Variants in NRCAM observed in about 807,000 individuals in gnomAD.
NRCAM encodes the protein NgCAM-related cell adhesion molecule.
In NRCAM, 83 loss-of-function variants were observed where a neutral mutation model predicts 156.5. The observed-to-expected ratio is 0.53, with a 90% CI of 0.44 to 0.64. NRCAM has a LOEUF of 0.64. Among genes scored for constraint, NRCAM ranks in the 30% least tolerant of loss-of-function variants. The pLI is 0.00. For synonymous variants in NRCAM, 538 were observed against 563.9 expected (o/e 0.95, Z 0.65); for missense variants, 1,417 against 1,597.3 (o/e 0.89, Z 1.92).
In NRCAM at chr7:108,389,856, G is replaced by T. The variant is rs185149542; in HGVS notation, c.-174+9580C>A. On this transcript the variant is annotated intron_variant, in intron 2 of 32. Transcript: ENST00000379028. ...TGGTTCTGTTTATATGCTGGATTACGTTTATTGATTTGTGTATGTTGAATG... is the reference window on the plus strand; with the variant it reads ...TGGTTCTGTTTATATGCTGGATTACTTTTATTGATTTGTGTATGTTGAATG... Among the ~76,000 whole-genome samples the T allele has an allele frequency of 5.0e-3, 762 of 152,224 alleles. 7 individuals are homozygous for T. The highest frequency in any genetic ancestry group is 0.017 in the African/African-American group (723 of 41,552).
chr7:108,254,551 C>CTTTATTTT (rs71522863), intron 3 of NRCAM, among the ~76,000 whole-genome samples: 2 of 130,334 alleles, frequency 1.5e-5, no homozygotes, highest in East Asian at 2.1e-4. Flanking sequence ...AACAATTTTG[C>CTTTATTTT]TTTTTTTTTT....
chr7:108,202,501 CAGTT>C (rs368915846), intron 13 of NRCAM, among the ~76,000 whole-genome samples: 114 of 152,312 alleles, frequency 7.5e-4, no homozygotes, highest in African/African-American at 2.6e-3. Flanking sequence ...CAGGTTTTCT[CAGTT>C]AGTCAACTTT....
chr7:108,412,400 C>CACTT (rs1187649930), intron 1 of NRCAM, among the ~76,000 whole-genome samples: 2 of 33,078 alleles, frequency 6.0e-5, no homozygotes, highest in Non-Finnish European at 1.5e-4. Context: ...CCCTCATAGT[C>CACTT]ACTTTATTGT....
chr7:108,434,812 CTGAG>C (rs1830128489), intron 1 of NRCAM, among the ~76,000 whole-genome samples: 1 of 151,994 alleles, frequency 6.6e-6, no homozygotes. Context: ...AAAAAAGAAA[CTGAG>C]TGGAGACATC....
chr7:108,299,103 CT>C (rs1420787810), intron 3 of NRCAM, among the ~76,000 whole-genome samples: 77 of 6,014 alleles, frequency 0.013, 7 homozygotes, highest in Middle Eastern at 0.083. Flanking sequence ...AAGACTCCAT[CT>C]CAAAAAAAAA....
chr7:108,274,760 G>C lies in NRCAM; in HGVS notation c.-106-34590C>G, dbSNP rs530566936. On this transcript the variant is annotated intron_variant, in intron 3 of 32. Transcript: ENST00000379028. ...TTCTCTTGCTTGATTGTCCTGGCCA[G>C]AACTTCCAATACATTTTGAATAGGA... Among the ~76,000 whole-genome samples the C allele has an allele frequency of 5.9e-5, 9 of 152,274 alleles. No homozygotes were observed. In the East Asian group the frequency reaches 1.5e-3, roughly 26 times the overall value.
At chr7:108,150,223 A>G in intron 32 of NRCAM, 76 bp from the exon 33 acceptor site, 2 of 1,207,954 alleles carry the variant, frequency 1.7e-6, no homozygotes, top group East Asian at 4.7e-5. Context: ...CCATGCATGC[A>G]AATTATGAGA....
intron 2 of NRCAM, among the ~76,000 whole-genome samples, chr7:108,330,904 T>C (rs917566550): frequency 1.3e-5 from 2 of 152,200 alleles, no homozygotes; most frequent in Non-Finnish European, 2.9e-5. Flanking sequence ...GCTTTCTGTT[T>C]CCCTCAATCT....
chr7:108,153,469 C>T (rs916495538), intron 32 of NRCAM, among the ~76,000 whole-genome samples: 2 of 151,588 alleles, frequency 1.3e-5, no homozygotes, highest in African/African-American at 4.9e-5. Context: ...TCTTCATTAA[C>T]CTGATTAAGG....
At chr7:108,288,881 T>G (rs1277034537) in intron 3 of NRCAM, among the ~76,000 whole-genome samples, 1 of 152,174 alleles carries the variant, frequency 6.6e-6, no homozygotes, top group Non-Finnish European at 1.5e-5. Flanking sequence ...ATATTATTCA[T>G]TTCTTTGGCT....
chr7:108,291,470 G>T (rs2098287258), intron 3 of NRCAM, among the ~76,000 whole-genome samples: 1 of 152,170 alleles, frequency 6.6e-6, no homozygotes, highest in South Asian at 2.1e-4. Context: ...AAGACAAGTT[G>T]ATTTTAAAGA....
chr7:108,362,527 G>A (rs1166473925), intron 2 of NRCAM, among the ~76,000 whole-genome samples: 3 of 152,176 alleles, frequency 2.0e-5, no homozygotes, highest in Non-Finnish European at 4.4e-5. Context: ...CATACAGTTT[G>A]TTGGCAAAGC....
chr7:108,223,790 G>C lies in NRCAM; in HGVS notation c.825C>G (p.Gly275=), dbSNP rs749529139. The change falls in exon 11 of 33, where the codon GGC becomes GGG. Residue 275 remains glycine, a synonymous_variant. Transcript: ENST00000379028. The part of the protein sequence containing the change: ...ERPPTFLTPE[G]NASNKEELRG... ...TTAATTCCTCTTTGTTACTTGCATTGCCTTCTGGAGTTAAAAATGTTGGTG... is the reference window on the plus strand; with the variant it reads ...TTAATTCCTCTTTGTTACTTGCATTCCCTTCTGGAGTTAAAAATGTTGGTG... The C allele has an allele frequency of 1.9e-6, 3 of 1,611,372 alleles. No individual in the cohort carries two copies. The highest frequency in any genetic ancestry group is 2.5e-6 in the Non-Finnish European group (3 of 1,177,812).
At chr7:108,296,411 T>C (rs1377899777) in intron 3 of NRCAM, among the ~76,000 whole-genome samples, 2 of 152,114 alleles carry the variant, frequency 1.3e-5, no homozygotes, top group Non-Finnish European at 2.9e-5. Flanking sequence ...TCAGCAAGGA[T>C]CAGAGCAGAA....
chr7:108,223,884 T>A (rs1274687193), intron 10 of NRCAM, 48 bp from the exon 11 acceptor site: 1 of 873,742 alleles, frequency 1.1e-6, no homozygotes. Flanking sequence ...AATATGTATT[T>A]CTATAAACAC....
chr7:108,384,628 C>T (rs566446229), intron 2 of NRCAM, among the ~76,000 whole-genome samples: 119 of 152,268 alleles, frequency 7.8e-4, no homozygotes, highest in African/African-American at 2.8e-3. Context: ...TGGATTACAG[C>T]GCTTTTCTCA....
intron 2 of NRCAM, among the ~76,000 whole-genome samples, chr7:108,373,111 G>T (rs1489693909): frequency 1.3e-5 from 2 of 152,140 alleles, no homozygotes; most frequent in Admixed American, 1.3e-4. Flanking sequence ...GATAAATACT[G>T]CATGGTTCCA....
At position 108,315,638 on chromosome 7, in the gene NRCAM, C is replaced by G. The variant is rs375435228; in HGVS notation, c.-173-2907G>C. Among the ~76,000 whole-genome samples, 92 of 152,296 alleles carry G rather than the reference C, an allele frequency of 6.0e-4. 1 individual carries two copies. Among genetic ancestry groups the G allele is most frequent in the African/African-American group, 2.2e-3 (91 of 41,578 alleles). Reference sequence around the variant, plus strand: ...GAACACAGGCCCCTAACTTCTGGCCCCAAGTTTAGCACCAAGTTCAGCCTA... The same window carrying G: ...GAACACAGGCCCCTAACTTCTGGCCGCAAGTTTAGCACCAAGTTCAGCCTA... On this transcript the variant is annotated intron_variant, in intron 2 of 32. Coordinates refer to ENST00000379028, the MANE Select transcript of NRCAM (RefSeq NM_001037132.4).
chr7:108,383,353 T>C (rs1382016809), intron 2 of NRCAM, among the ~76,000 whole-genome samples: 1 of 152,244 alleles, frequency 6.6e-6, no homozygotes, highest in Non-Finnish European at 1.5e-5. Context: ...TGAGGACTGC[T>C]AACCAGAAAT....
Sources: allele counts gnomAD v4.1 joint callset (sites outside exome capture counted in the v4.1 genomes callset), GRCh38; gene constraint gnomAD v4.1.1; transcripts MANE v1.5; gene names NCBI Gene and HGNC (gene_info 2026-07-23, HGNC 2026-07-21).